Variants in INPP4B observed in about 807,000 individuals in gnomAD.
INPP4B encodes inositol polyphosphate 4-phosphatase type II.
INPP4B carries 55 observed loss-of-function variants against 122.5 expected under a neutral mutation model. That is an observed-to-expected ratio of 0.45 (90% CI 0.36 to 0.56). The LOEUF (loss-of-function observed/expected upper bound fraction) is 0.56, where lower values mean the gene tolerates loss of function less well. Ranked by LOEUF, INPP4B falls within the 20% of genes least tolerant of loss-of-function variation. The pLI is 0.00. For synonymous variants in INPP4B, 403 were observed against 388.7 expected (o/e 1.04, Z -0.43); for missense variants, 1,000 against 1,097.7 (o/e 0.91, Z 1.26).
intron 2 of INPP4B, among the ~76,000 whole-genome samples, chr4:142,717,869 C>A (rs1298539217): frequency 2.7e-5 from 4 of 146,756 alleles, no homozygotes; most frequent in Admixed American, 6.9e-5. Context: ...TGCACATGTA[C>A]CTTAGAACTT....
chr4:142,449,303 C>T (rs961184603), intron 3 of INPP4B, among the ~76,000 whole-genome samples: 29 of 152,238 alleles, frequency 1.9e-4, no homozygotes, highest in Middle Eastern at 3.4e-3. Flanking sequence ...AGTTTGTAAG[C>T]GTATTGACAC....
intron 18 of INPP4B, among the ~76,000 whole-genome samples, chr4:142,137,229 C>T (rs553737741): frequency 5.3e-5 from 8 of 150,898 alleles, no homozygotes; most frequent in East Asian, 2.0e-4. Flanking sequence ...GAAATAACAC[C>T]GCATATCTAC....
intron 7 of INPP4B, among the ~76,000 whole-genome samples, chr4:142,338,096 C>A (rs1359585718): frequency 1.3e-5 from 2 of 152,078 alleles, no homozygotes; most frequent in Admixed American, 1.3e-4. Context: ...GCTTTTAATA[C>A]TCTTGGTATG....
chr4:142,466,591 A>G (rs1200695741), intron 2 of INPP4B, among the ~76,000 whole-genome samples: 1 of 152,228 alleles, frequency 6.6e-6, no homozygotes, highest in Non-Finnish European at 1.5e-5. Flanking sequence ...GGGAAGAAAA[A>G]GCATTTTTGA....
At chr4:142,473,889 G>A (rs1177486185) in intron 2 of INPP4B, among the ~76,000 whole-genome samples, 1 of 152,196 alleles carries the variant, frequency 6.6e-6, no homozygotes, top group African/African-American at 2.4e-5. Flanking sequence ...GAAGCACCCA[G>A]ATGACAAGGC....
At chr4:142,554,008 C>A in intron 2 of INPP4B, among the ~76,000 whole-genome samples, 1 of 151,778 alleles carries the variant, frequency 6.6e-6, no homozygotes, top group African/African-American at 2.4e-5. Flanking sequence ...GGCCAACATG[C>A]TGAAACTCTG....
chr4:142,077,124 G>A (rs1397899215), intron 25 of INPP4B, among the ~76,000 whole-genome samples: 1 of 151,940 alleles, frequency 6.6e-6, no homozygotes, highest in Non-Finnish European at 1.5e-5. Flanking sequence ...TTTGATAAAT[G>A]AAACTCAATA....
intron 17 of INPP4B, among the ~76,000 whole-genome samples, chr4:142,156,750 T>C (rs1298940760): frequency 6.6e-6 from 1 of 152,108 alleles, no homozygotes; most frequent in African/African-American, 2.4e-5. Flanking sequence ...AAGGACAGCC[T>C]CATAGTGATT....
intron 15 of INPP4B, among the ~76,000 whole-genome samples, chr4:142,174,216 T>C (rs766383314): frequency 7.2e-5 from 11 of 152,078 alleles, no homozygotes; most frequent in Non-Finnish European, 1.5e-4. Flanking sequence ...TCAATGTAAA[T>C]CCTGGTTTGT....
chr4:142,651,497 G>T (rs1291158126), intron 2 of INPP4B, among the ~76,000 whole-genome samples: 1 of 152,042 alleles, frequency 6.6e-6, no homozygotes, highest in African/African-American at 2.4e-5. Flanking sequence ...GAAGAAAAGT[G>T]AGAAGAATCA....
intron 15 of INPP4B, among the ~76,000 whole-genome samples, chr4:142,181,463 C>G (rs955358077): frequency 6.6e-6 from 1 of 152,114 alleles, no homozygotes; most frequent in Non-Finnish European, 1.5e-5. Flanking sequence ...AACTTATTAA[C>G]CTTTCCAACA....
chr4:142,724,068 T>C (rs1316128995), intron 2 of INPP4B, among the ~76,000 whole-genome samples: 1 of 152,138 alleles, frequency 6.6e-6, no homozygotes, highest in Non-Finnish European at 1.5e-5. Context: ...ACAGAATGAT[T>C]CCTTGATTCC....
chr4:142,492,463 G>C (rs1822002809), intron 2 of INPP4B, among the ~76,000 whole-genome samples: 1 of 152,116 alleles, frequency 6.6e-6, no homozygotes, highest in Non-Finnish European at 1.5e-5. Flanking sequence ...GAAGATGTGA[G>C]AAAATTTGGA....
chr4:142,829,458 T>A (rs1476459353), intron 1 of INPP4B, among the ~76,000 whole-genome samples: 1 of 152,158 alleles, frequency 6.6e-6, no homozygotes, highest in Non-Finnish European at 1.5e-5. Context: ...TACGTGGACC[T>A]GCTCCACAAA....
At chr4:142,110,216 C>A (rs982285235) in intron 22 of INPP4B, among the ~76,000 whole-genome samples, 1 of 151,960 alleles carries the variant, frequency 6.6e-6, no homozygotes, top group African/African-American at 2.4e-5. Flanking sequence ...TTTCCACAGG[C>A]ACAAAGAAGA....
intron 2 of INPP4B, among the ~76,000 whole-genome samples, chr4:142,599,777 A>C (rs1334321106): frequency 6.6e-6 from 1 of 152,034 alleles, no homozygotes; most frequent in Non-Finnish European, 1.5e-5. Context: ...TAATACAAAG[A>C]AATCAGAAAA....
At chr4:142,488,230 T>C (rs912311695) in intron 2 of INPP4B, among the ~76,000 whole-genome samples, 11 of 152,042 alleles carry the variant, frequency 7.2e-5, no homozygotes, top group African/African-American at 2.7e-4. Context: ...GAACCAATCT[T>C]GAATTCCTGG....
chr4:142,395,221 A>G (rs780346503), intron 7 of INPP4B, among the ~76,000 whole-genome samples: 2 of 152,212 alleles, frequency 1.3e-5, no homozygotes, highest in African/African-American at 4.8e-5. Flanking sequence ...AGTGCAATGT[A>G]CTTTGATATG....
intron 9 of INPP4B, among the ~76,000 whole-genome samples, chr4:142,291,110 T>G (rs1364219174): frequency 6.6e-6 from 1 of 152,188 alleles, no homozygotes; most frequent in African/African-American, 2.4e-5. Context: ...AATCTGATCC[T>G]AGAAGGGCTA....
Sources: gnomAD v4.1 joint callset for allele counts (sites outside exome capture counted in the v4.1 genomes callset) on GRCh38, gnomAD v4.1.1 for gene constraint, MANE v1.5 for transcripts, NCBI Gene and HGNC (gene_info 2026-07-23, HGNC 2026-07-21) for gene names.